The following PSTPIP1 variants were observed in gnomAD, a reference collection of about 807,000 sequenced individuals.
PSTPIP1 encodes the protein proline-serine-threonine phosphatase interacting protein 1.
Under a neutral mutation model 69.6 loss-of-function variants are expected in PSTPIP1, and 66 were observed. The ratio of observed to expected loss-of-function variants is 0.95; its 90% confidence interval spans 0.78 to 1.16. PSTPIP1 has a LOEUF of 1.16. Ranked by LOEUF, PSTPIP1 falls within the 50% of genes most tolerant of loss-of-function variation. The probability of loss-of-function intolerance (pLI) is 0.00; values close to 1 mark genes in which losing one functional copy is unlikely to be tolerated. For synonymous variants in PSTPIP1, 266 were observed against 222.7 expected, an observed-to-expected ratio of 1.19 and a Z score of -1.73; for missense variants, 603 against 557.4, an observed-to-expected ratio of 1.08 and a Z score of -0.82.
intron 1 of PSTPIP1, chr15:77,008,191 G>A (rs1258280077): frequency 3.9e-5 from 15 of 382,262 alleles, no homozygotes; most frequent in Non-Finnish European, 6.9e-5. Flanking sequence ...AGCACAGGGT[G>A]TGGGTGGGGT....
chr15:77,035,442 C>G, intron 12 of PSTPIP1, 66 bp from the exon 13 acceptor site: 1 of 1,497,074 alleles, frequency 6.7e-7, no homozygotes, highest in Non-Finnish European at 9.1e-7. Context: ...CTGTCTAAAC[C>G]CTCCCTCCTG....
At position 77,035,774 on chromosome 15, in the gene PSTPIP1, A is replaced by G. The variant is rs1232846551; in HGVS notation, c.986-28A>G. ...CAGGGGCCAGTGTCCCCAGAAGGGG[A>G]GGGGTCTATGTCTCACCCTGCTCTT... On this transcript the variant is annotated intron_variant, in intron 13 of 14. Coordinates refer to ENST00000558012, the MANE Select transcript of PSTPIP1 (RefSeq NM_003978.5). The G allele has an allele frequency of 4.4e-6, 7 of 1,590,940 alleles. No individual in the cohort carries two copies. The South Asian group carries it at 6.7e-5, about 15-fold the overall frequency.
chr15:76,996,640 G>A (rs2075586951), intron 1 of PSTPIP1, among the ~76,000 whole-genome samples: 1 of 152,254 alleles, frequency 6.6e-6, no homozygotes, highest in South Asian at 2.1e-4. Context: ...TCCACTTGGG[G>A]CCTGTGGCCA....
chr15:77,035,555 C>G lies in PSTPIP1; in HGVS notation c.977C>G (p.Ala326Gly). Residue 326 changes from alanine to glycine, a missense_variant, in exon 13 of 15, where the codon GCT becomes GGT. Transcript: ENST00000558012. ...AGTCCCAAGACCACTTCGTTGGCAG[C>G]TTCTGCTGGTAAAGGGGGTCAGGAG... ...HGSPKTTSLA[A>G]SAASTETLTP... 1 of 1,584,036 alleles carries G rather than the reference C, an allele frequency of 6.3e-7. No individual in the cohort carries two copies. Among genetic ancestry groups the G allele is most frequent in the African/African-American group, 1.3e-5 (1 of 74,272 alleles).
intron 12 of PSTPIP1, among the ~76,000 whole-genome samples, chr15:77,033,602 G>C (rs955834863): frequency 6.6e-6 from 1 of 152,168 alleles, no homozygotes; most frequent in Non-Finnish European, 1.5e-5. Flanking sequence ...GGGTCTGTGG[G>C]TTTCACATGG....
At chr15:77,022,605 C>T (rs1440074926) in intron 3 of PSTPIP1, among the ~76,000 whole-genome samples, 3 of 152,194 alleles carry the variant, frequency 2.0e-5, no homozygotes, top group Non-Finnish European at 4.4e-5. Flanking sequence ...ATGTGGCCCC[C>T]AGATCCTCCC....
At chr15:77,035,355 T>G (rs1254009300) in intron 12 of PSTPIP1, among the ~76,000 whole-genome samples, 153 bp from the exon 13 acceptor site, 1 of 152,122 alleles carries the variant, frequency 6.6e-6, no homozygotes, top group Non-Finnish European at 1.5e-5. Context: ...GAGGGGCACC[T>G]CATAAATGAC....
chr15:77,027,682 G>A lies in PSTPIP1; in HGVS notation c.355-170G>A. On this transcript the variant is annotated intron_variant, in intron 5 of 14. Transcript: ENST00000558012. This position sits in a 1 kb window ranked among gnomAD's most constrained non-coding sequence, Gnocchi z 4.3. ...CTGTGATTCTCTGTGGCCTTCCATT[G>A]TGAGGGTCACTGTGAAGCAGCAGGC... 1.3e-6 allele frequency: 1 copy of A among 750,930 alleles called. No individual in the cohort carries two copies. The highest frequency in any genetic ancestry group is 2.3e-6 in the Non-Finnish European group (1 of 429,136). 46.5% of individuals were successfully genotyped at this position (750,930 alleles called of 1,614,324 possible).
In PSTPIP1 at chr15:77,027,877, A is replaced by G; in HGVS notation, c.380A>G (p.Gln127Arg). 1 of 1,570,452 alleles carries G rather than the reference A, an allele frequency of 6.4e-7. No individual in the cohort carries two copies. Among genetic ancestry groups the G allele is most frequent in the African/African-American group, 1.4e-5 (1 of 73,814 alleles). ...KKYEAVMDRV[Q>R]KSKLSLYKKA... ...TATGAGGCCGTCATGGACCGGGTCCAGAAGAGCAAGCTGTCGCTCTACAAG... is the reference window on the plus strand; with the variant it reads ...TATGAGGCCGTCATGGACCGGGTCCGGAAGAGCAAGCTGTCGCTCTACAAG... Residue 127 changes from glutamine (Q) to arginine (R), a missense_variant, in exon 6 of 15, where the codon CAG becomes CGG. Gln to Arg is a conservative substitution (Grantham distance 43). Transcript: ENST00000558012. This position sits in a 1 kb window ranked among gnomAD's most constrained non-coding sequence, Gnocchi z 4.3.
intron 10 of PSTPIP1, chr15:77,031,797 A>C (rs1341367603): frequency 5.7e-6 from 1 of 176,506 alleles, no homozygotes; most frequent in African/African-American, 2.4e-5. Flanking sequence ...GCAGCCCAGC[A>C]CACGGCTCTC....
chr15:77,028,759 G>A (rs955961846), intron 7 of PSTPIP1, 107 bp downstream of exon 7: 32 of 1,014,514 alleles, frequency 3.2e-5, no homozygotes, highest in Non-Finnish European at 4.2e-5. Flanking sequence ...ATCTGGGGAT[G>A]CTGCTTAGCC....
At chr15:77,031,410 C>T in intron 10 of PSTPIP1, 132 bp downstream of exon 10, 1 of 891,058 alleles carries the variant, frequency 1.1e-6, no homozygotes, top group Non-Finnish European at 1.8e-6. Context: ...GGTCTCAGGC[C>T]TCAGCAGCTC....
chr15:77,036,851 TATG>T (rs2076587460), intron 14 of PSTPIP1, among the ~76,000 whole-genome samples, 191 bp from the exon 15 acceptor site: 1 of 152,024 alleles, frequency 6.6e-6, no homozygotes, highest in South Asian at 2.1e-4. Context: ...GGGGGAGAAC[TATG>T]ATGACAAACT....
intron 12 of PSTPIP1, 72 bp from the exon 13 acceptor site, chr15:77,035,436 C>A: frequency 6.8e-7 from 1 of 1,479,348 alleles, no homozygotes; most frequent in Non-Finnish European, 9.2e-7. Flanking sequence ...CTCTCCCTGT[C>A]TAAACCCTCC....
intron 1 of PSTPIP1, among the ~76,000 whole-genome samples, chr15:76,999,242 G>C (rs908458521): frequency 6.6e-6 from 1 of 151,900 alleles, no homozygotes; most frequent in South Asian, 2.1e-4. Flanking sequence ...TGTCTCCATG[G>C]TCCATCTCCC....
Position 77,035,855 on chromosome 15 carries a change from G to A in PSTPIP1, c.1039G>A (p.Ala347Thr). ...CGAGCGGAATGAGGGTGTCTACACA[G>A]CCATCGCAGTGCAGGAGATACAGGG... Reference protein sequence around the residue: ...TPERNEGVYTAIAVQEIQGNP... With the variant: ...TPERNEGVYTTIAVQEIQGNP... Residue 347 changes from alanine to threonine, a missense_variant, in exon 14 of 15, where the codon GCC becomes ACC. By Grantham distance (58) the Ala-to-Thr change is moderately conservative (BLOSUM62 0). Transcript: ENST00000558012. 6.2e-7 allele frequency: 1 copy of A among 1,610,728 alleles called. No individual in the cohort carries two copies. The highest frequency in any genetic ancestry group is 1.1e-5 in the South Asian group (1 of 91,014).
chr15:77,037,007 G>A, intron 14 of PSTPIP1, 38 bp from the exon 15 acceptor site: 1 of 1,602,152 alleles, frequency 6.2e-7, no homozygotes, highest in Non-Finnish European at 8.5e-7. Context: ...TTCCCTGCAG[G>A]CCCTTCCAAC....
chr15:77,035,209 G>A (rs1469863462), intron 12 of PSTPIP1, among the ~76,000 whole-genome samples: 3 of 152,204 alleles, frequency 2.0e-5, no homozygotes, highest in Non-Finnish European at 4.4e-5. Flanking sequence ...TGAAGCTACA[G>A]CTTCGGGGGT....
chr15:77,029,856 C>T (rs1193646407), intron 8 of PSTPIP1, among the ~76,000 whole-genome samples: 1 of 152,186 alleles, frequency 6.6e-6, no homozygotes, highest in African/African-American at 2.4e-5. Context: ...CTAAAAGGTC[C>T]AGTACTTGCC....
Sources: allele counts gnomAD v4.1 joint callset (sites outside exome capture counted in the v4.1 genomes callset), GRCh38; gene constraint gnomAD v4.1.1; non-coding constraint Gnocchi (gnomAD v3.1); transcripts MANE v1.5; gene names NCBI Gene and HGNC (gene_info 2026-07-23, HGNC 2026-07-21).